The following EVC variants were observed in gnomAD, a reference collection of about 807,000 sequenced individuals.
The protein encoded by EVC is evC complex member EVC.
Under a neutral mutation model 118.9 loss-of-function variants are expected in EVC, and 116 were observed. The ratio of observed to expected loss-of-function variants is 0.98; its 90% CI spans 0.84 to 1.14. The LOEUF (loss-of-function observed/expected upper bound fraction) is 1.14. EVC is among the 50% of genes most tolerant of loss of function. The pLI is 0.00. For missense variants in EVC, 1,401 were observed against 1,246.4 expected, an observed-to-expected ratio of 1.12 and a Z score of -1.87; for synonymous variants, 619 against 534.7, an observed-to-expected ratio of 1.16 and a Z score of -2.18.
At position 5,754,447 on chromosome 4, in the gene EVC, G is replaced by A. The variant is rs1049298564; in HGVS notation, c.1464+514G>A. Reference sequence around the variant, plus strand: ...TTGGTCTTGCCTGAGAAGGGGACAAGAAGACCTGAAGGAGGACAAAAAGCA... The same window carrying A: ...TTGGTCTTGCCTGAGAAGGGGACAAAAAGACCTGAAGGAGGACAAAAAGCA... On this transcript the variant is annotated intron_variant, in intron 10 of 20. Coordinates refer to ENST00000264956, the MANE Select transcript of EVC (RefSeq NM_153717.3). This position sits in a 1 kb window ranked among gnomAD's most constrained non-coding sequence, Gnocchi z 5.8. 2.0e-4 allele frequency among the ~76,000 whole-genome samples: 31 copies of A among 152,286 alleles called. No individual in the cohort carries two copies. The highest frequency in any genetic ancestry group is 7.2e-4 in the African/African-American group (30 of 41,570).
At chr4:5,729,930 C>G (rs1294358945) in intron 3 of EVC, among the ~76,000 whole-genome samples, 1 of 152,226 alleles carries the variant, frequency 6.6e-6, no homozygotes, top group South Asian at 2.1e-4. Context: ...GACCCCAACA[C>G]CTGGCTATGG....
In EVC at chr4:5,729,349, C is replaced by T. The variant is rs755273705; in HGVS notation, c.343C>T (p.Leu115=). 11 of 1,614,020 alleles carry T rather than the reference C, an allele frequency of 6.8e-6. No homozygotes were observed. The highest frequency in any genetic ancestry group is 9.3e-6 in the Non-Finnish European group (11 of 1,180,036). Residue 115 remains leucine (L), a synonymous_variant, in exon 3 of 21, where the codon CTG becomes TTG. Coordinates refer to ENST00000264956, the MANE Select transcript of EVC (RefSeq NM_153717.3). ...CAACAGCAATATCACAGCATTCGCC[C>T]TGAAGGCCAAAGTCATCTACCCCAT... The part of the protein sequence containing the change: ...PSNSNITAFA[L]KAKVIYPINQ...
intron 5 of EVC, among the ~76,000 whole-genome samples, chr4:5,736,560 C>G (rs7698728): frequency 0.077 from 11,577 of 150,510 alleles, 599 homozygotes; most frequent in East Asian, 0.27. Flanking sequence ...CTGCATCCAG[C>G]AAGTCTGTTG....
the EVC span, among the ~76,000 whole-genome samples, chr4:5,827,204 GC>G: frequency 6.6e-6 from 1 of 152,212 alleles, no homozygotes; most frequent in Non-Finnish European, 1.5e-5. Flanking sequence ...TTAACCGCAG[GC>G]CTCAGCTTCA....
At position 5,797,140 on chromosome 4, in the gene EVC, C is replaced by G. The variant is rs1714115070; in HGVS notation, c.2005C>G (p.His669Asp). Residue 669 changes from histidine (H) to aspartate (D), a missense_variant, in exon 14 of 21, where the codon CAC becomes GAC. Physicochemically the swap from His to Asp is moderately conservative, Grantham distance 81 (BLOSUM62 -1). Coordinates refer to ENST00000264956, the MANE Select transcript of EVC (RefSeq NM_153717.3). ...GCAGATGCGGCTATCGGGGAAGAAGCACCTCCTGCAGGAGCTGCGGGAACA... is the reference window on the plus strand; with the variant it reads ...GCAGATGCGGCTATCGGGGAAGAAGGACCTCCTGCAGGAGCTGCGGGAACA... ...LTQMRLSGKK[H>D]LLQELREQRA... is the part of the protein sequence containing the mutation. The G allele has an allele frequency of 6.2e-7, 1 of 1,613,506 alleles. No individual in the cohort carries two copies. Among genetic ancestry groups the G allele is most frequent in the African/African-American group, 1.3e-5 (1 of 74,954 alleles).
chr4:5,736,152 T>C (rs1577376864), intron 5 of EVC, among the ~76,000 whole-genome samples: 5 of 151,856 alleles, frequency 3.3e-5, no homozygotes, highest in South Asian at 2.1e-4. Context: ...TGAGAACAGA[T>C]TGGGGGCATG....
chr4:5,739,475 G>A (rs1283740470), intron 5 of EVC, among the ~76,000 whole-genome samples: 1 of 152,120 alleles, frequency 6.6e-6, no homozygotes, highest in Non-Finnish European at 1.5e-5. Flanking sequence ...TGCGGAAGAT[G>A]GTACCAACCT....
At chr4:5,828,724 G>A in the EVC span, 4 of 1,567,332 alleles carry the variant, frequency 2.6e-6, no homozygotes, top group African/African-American at 1.4e-5. Flanking sequence ...CAAACGAGCT[G>A]TTCATAACAG....
chr4:5,718,217 A>G (rs1231087588), intron 1 of EVC, among the ~76,000 whole-genome samples: 2 of 152,180 alleles, frequency 1.3e-5, no homozygotes, highest in African/African-American at 2.4e-5. Context: ...GGGGGAAAAC[A>G]GGGTTAGGTT....
chr4:5,737,604 G>T lies in EVC; in HGVS notation c.703-4112G>T, dbSNP rs1487167106. On this transcript the variant is annotated intron_variant, in intron 5 of 20. Transcript: ENST00000264956. The surrounding 1 kb of genome is among the most constrained non-coding windows in gnomAD (Gnocchi z 5.0). ...TCATGCACCACTCCGAAAGTCCTAGGGCCCTTAAGGGTGATGCTAAATCTA... is the reference window on the plus strand; with the variant it reads ...TCATGCACCACTCCGAAAGTCCTAGTGCCCTTAAGGGTGATGCTAAATCTA... Among the ~76,000 whole-genome samples the T allele has an allele frequency of 6.6e-6, 1 of 152,112 alleles. No homozygotes were observed. The highest frequency in any genetic ancestry group is 1.9e-4 in the East Asian group (1 of 5,192).
chr4:5,729,966 A>G (rs1358356271), intron 3 of EVC, among the ~76,000 whole-genome samples: 1 of 152,198 alleles, frequency 6.6e-6, no homozygotes, highest in Non-Finnish European at 1.5e-5. Context: ...CGCTTCCAGG[A>G]GCCCTCAGCC....
At chr4:5,778,280 A>C (rs986179273) in intron 11 of EVC, among the ~76,000 whole-genome samples, 1 of 151,898 alleles carries the variant, frequency 6.6e-6, no homozygotes, top group South Asian at 2.1e-4. Flanking sequence ...GCTATTGTGA[A>C]TAGTGCCGCA....
rs1716676897 is a variant in EVC, at chr4:5,810,266, G to A, written c.2783-73G>A. The A allele has an allele frequency of 3.5e-6, 4 of 1,145,226 alleles. No individual in the cohort carries two copies. In the South Asian group the frequency reaches 3.9e-5, roughly 11 times the overall value. 70.9% of individuals were successfully genotyped at this position (1,145,226 alleles called of 1,614,324 possible). A position where few individuals can be genotyped will look rare whatever the true frequency, so the allele number is the denominator to read the frequency against. On this transcript the variant is annotated intron_variant, in intron 19 of 20. Coordinates refer to ENST00000264956, the MANE Select transcript of EVC (RefSeq NM_153717.3). The stretch of plus-strand genomic sequence containing the variant: ...ATGCTCAAAAATGTCAGGCTGGGTT[G>A]GTGTGAGGCTGCAAGAAGTTGTCAC...
At chr4:5,727,482 A>G (rs1443351664) in intron 2 of EVC, among the ~76,000 whole-genome samples, 3 of 152,218 alleles carry the variant, frequency 2.0e-5, no homozygotes, top group African/African-American at 7.2e-5. Flanking sequence ...GCCCTTTGTC[A>G]GATGAGTAGG....
intron 5 of EVC, 129 bp from the exon 6 acceptor site, chr4:5,741,587 G>C (rs957091949): frequency 2.6e-5 from 16 of 616,100 alleles, no homozygotes; most frequent in South Asian, 7.6e-5. Context: ...TACGTGAAGA[G>C]AGGGTGAAAG....
In EVC at chr4:5,749,224, A is replaced by G. The variant is rs1193372585; in HGVS notation, c.1098+918A>G. Among the ~76,000 whole-genome samples, 1 of 152,060 alleles carries G rather than the reference A, an allele frequency of 6.6e-6. No individual in the cohort carries two copies. The highest frequency in any genetic ancestry group is 2.4e-5 in the African/African-American group (1 of 41,392). On this transcript the variant is annotated intron_variant, in intron 8 of 20. Coordinates refer to ENST00000264956, the MANE Select transcript of EVC (RefSeq NM_153717.3). This position sits in a 1 kb window ranked among gnomAD's most constrained non-coding sequence, Gnocchi z 4.4. The stretch of plus-strand genomic sequence containing the variant: ...ACTATTCTGACGGGAGGCCAGGGAT[A>G]CAAACCCCTGGTGCATGGGTGTCCA...
intron 11 of EVC, among the ~76,000 whole-genome samples, chr4:5,761,234 G>C (rs983060643): frequency 3.9e-5 from 6 of 152,188 alleles, no homozygotes; most frequent in African/African-American, 9.6e-5. Context: ...GGTGCTCAGT[G>C]AATGCCTCCC....
Position 5,731,447 on chromosome 4 carries a change from A to T in EVC, c.407A>T (p.Asn136Ile), listed in dbSNP as rs1280640315. ...KFRPLADGSS[N>I]PSLHENLKQA... ...CAGCCTCTGGCCGATGGCTCCTCCA[A>T]CCCGTCTCTGCATGAAAACTTAAAG... The change falls in exon 4 of 21, where the codon AAC becomes ATC. Residue 136 changes from asparagine (N) to isoleucine (I), a missense_variant. Asn to Ile is a moderately radical substitution (Grantham distance 149). Coordinates refer to ENST00000264956, the MANE Select transcript of EVC (RefSeq NM_153717.3). The surrounding 1 kb of genome is among the most constrained non-coding windows in gnomAD (Gnocchi z 5.6). 2.5e-6 allele frequency: 4 copies of T among 1,612,938 alleles called. No homozygotes were observed. The highest frequency in any genetic ancestry group is 3.4e-6 in the Non-Finnish European group (4 of 1,179,852).
chr4:5,718,934 C>A (rs535848503), intron 1 of EVC, among the ~76,000 whole-genome samples: 36 of 152,280 alleles, frequency 2.4e-4, no homozygotes, highest in African/African-American at 8.4e-4. Context: ...GGTCCCCAAC[C>A]TAGAAGAAAA....
Sources: gnomAD v4.1 joint callset for allele counts (sites outside exome capture counted in the v4.1 genomes callset) on GRCh38, gnomAD v4.1.1 for gene constraint, Gnocchi (gnomAD v3.1) non-coding constraint, MANE v1.5 for transcripts, NCBI Gene and HGNC (gene_info 2026-07-23, HGNC 2026-07-21) for gene names.